The following TMEM39B variants were observed in gnomAD, a reference collection of about 807,000 sequenced individuals.
The protein encoded by TMEM39B is transmembrane protein 39B.
A neutral mutation model predicts 52.2 loss-of-function variants in TMEM39B; 23 were observed. The ratio of observed to expected loss-of-function variants is 0.44; its 90% confidence interval spans 0.32 to 0.62. TMEM39B has a LOEUF of 0.62. TMEM39B is among the 20% of genes least tolerant of loss of function. TMEM39B has a pLI of 0.06. For missense variants in TMEM39B, 547 were observed against 642.0 expected, an observed-to-expected ratio of 0.85 and a Z score of 1.60; for synonymous variants, 285 against 264.0, an observed-to-expected ratio of 1.08 and a Z score of -0.77.
Position 32,102,587 on chromosome 1 carries a change from A to G in TMEM39B, c.1393A>G (p.Lys465Glu), listed in dbSNP as rs1172275346. 2 of 1,613,884 alleles carry G rather than the reference A, an allele frequency of 1.2e-6. No individual in the cohort carries two copies. The highest frequency in any genetic ancestry group is 1.7e-6 in the Non-Finnish European group (2 of 1,179,974). Reference protein sequence around the residue: ...ILFSNYYAFFKLLRDRLVLGK... With the variant: ...ILFSNYYAFFELLRDRLVLGK... The stretch of plus-strand genomic sequence containing the variant: ...CTTCAGCAACTACTATGCCTTCTTC[A>G]AGCTGCTCCGGGACCGCTTGGTATT... The change falls in exon 9 of 9, where the codon AAG (lysine) becomes GAG (glutamate). Residue 465 changes from lysine to glutamate, a missense_variant. Lys to Glu is a moderately conservative substitution (Grantham distance 56). Coordinates refer to ENST00000336294, the MANE Select transcript of TMEM39B (RefSeq NM_018056.4).
chr1:32,101,683 G>A (rs968509519), intron 8 of TMEM39B, among the ~76,000 whole-genome samples: 6 of 152,208 alleles, frequency 3.9e-5, no homozygotes, highest in Non-Finnish European at 5.9e-5. Context: ...AAGTATTGCA[G>A]CCTGTTAGGT....
chr1:32,094,763 C>T (rs1299265632), intron 6 of TMEM39B, 21 bp from the exon 7 acceptor site: 2 of 1,613,382 alleles, frequency 1.2e-6, no homozygotes, highest in East Asian at 2.2e-5. Flanking sequence ...CCAGGCCTCA[C>T]CCACCTTCTG....
chr1:32,096,023 G>T (rs1238025327), intron 7 of TMEM39B, among the ~76,000 whole-genome samples: 1 of 152,172 alleles, frequency 6.6e-6, no homozygotes. Context: ...TGGCTTCCCA[G>T]ATGATGAGCT....
intron 7 of TMEM39B, among the ~76,000 whole-genome samples, chr1:32,098,809 C>T (rs1046275502): frequency 6.6e-6 from 1 of 152,132 alleles, no homozygotes; most frequent in African/African-American, 2.4e-5. Flanking sequence ...CTGTGCCAGG[C>T]CTTGCGGCAT....
At chr1:32,090,823 G>A (rs944805513) in intron 5 of TMEM39B, among the ~76,000 whole-genome samples, 2 of 152,014 alleles carry the variant, frequency 1.3e-5, no homozygotes, top group African/African-American at 4.8e-5. Context: ...GTATTTTTTA[G>A]TAGAGACGGG....
intron 7 of TMEM39B, among the ~76,000 whole-genome samples, chr1:32,098,417 G>A (rs1298426051): frequency 6.6e-6 from 1 of 151,972 alleles, no homozygotes; most frequent in Admixed American, 6.6e-5. Context: ...GGATTCCTGG[G>A]AGATCTCACA....
chr1:32,101,378 T>G (rs969447267), intron 8 of TMEM39B, among the ~76,000 whole-genome samples: 2 of 152,066 alleles, frequency 1.3e-5, no homozygotes, highest in Non-Finnish European at 2.9e-5. Flanking sequence ...TGCTCAAAAT[T>G]ATCTAAACTA....
chr1:32,078,070 A>G (rs1403215424), intron 5 of TMEM39B, among the ~76,000 whole-genome samples: 3 of 152,080 alleles, frequency 2.0e-5, no homozygotes, highest in South Asian at 2.1e-4. Context: ...AGCTGGGTCA[A>G]TCCTGGTCTC....
At position 32,094,910 on chromosome 1, in the gene TMEM39B, G is replaced by T; in HGVS notation, c.1054G>T (p.Ala352Ser). The T allele has an allele frequency of 6.2e-7, 1 of 1,613,888 alleles. No individual in the cohort carries two copies. Reference sequence around the variant, plus strand: ...CTGTGACCTGCTGCACAAGGCCGCCGCCCATCTGGGCTGTTGGCAGAAGGT... The same window carrying T: ...CTGTGACCTGCTGCACAAGGCCGCCTCCCATCTGGGCTGTTGGCAGAAGGT... ...SYCDLLHKAA[A>S]HLGCWQKVDP... The change falls in exon 7 of 9, where the codon GCC becomes TCC. Residue 352 changes from alanine (A) to serine (S), a missense_variant. Ala to Ser is a moderately conservative substitution (Grantham distance 99). Transcript: ENST00000336294.
intron 5 of TMEM39B, among the ~76,000 whole-genome samples, chr1:32,085,059 A>G (rs778488803): frequency 1.2e-4 from 19 of 152,288 alleles, no homozygotes; most frequent in Non-Finnish European, 2.2e-4. Context: ...TGATTACTTG[A>G]AATTTCAAAG....
At chr1:32,078,906 G>T (rs907670249) in intron 5 of TMEM39B, among the ~76,000 whole-genome samples, 12 of 152,076 alleles carry the variant, frequency 7.9e-5, no homozygotes, top group Admixed American at 2.6e-4. Context: ...CTCCCAAAGT[G>T]CTGGGATTAC....
At chr1:32,096,503 A>C (rs1313055464) in intron 7 of TMEM39B, among the ~76,000 whole-genome samples, 1 of 118,742 alleles carries the variant, frequency 8.4e-6, no homozygotes, top group Non-Finnish European at 1.6e-5. Flanking sequence ...TCTGTTGCCC[A>C]GGCTGGAGTG....
intron 5 of TMEM39B, among the ~76,000 whole-genome samples, chr1:32,082,238 A>G (rs1422120524): frequency 1.3e-5 from 2 of 151,930 alleles, no homozygotes; most frequent in African/African-American, 4.8e-5. Context: ...TTACTTTTAT[A>G]TCGTCAAGCT....
chr1:32,100,063 CAA>C (rs533634069), intron 7 of TMEM39B, among the ~76,000 whole-genome samples: 274 of 151,792 alleles, frequency 1.8e-3, no homozygotes, highest in African/African-American at 6.3e-3. Context: ...AAAAAGCCCA[CAA>C]AGAGTTTTAA....
At chr1:32,076,714 C>T in intron 3 of TMEM39B, 49 bp from the exon 4 acceptor site, 1 of 1,586,194 alleles carries the variant, frequency 6.3e-7, no homozygotes, top group East Asian at 2.2e-5. Context: ...AAAAAGCCTG[C>T]ATATGGGCAA....
intron 3 of TMEM39B, 74 bp from the exon 4 acceptor site, chr1:32,076,689 G>A (rs1038926421): frequency 6.4e-6 from 9 of 1,412,174 alleles, no homozygotes; most frequent in East Asian, 2.3e-5. Flanking sequence ...AATGGGCAGC[G>A]GGAGGTGGGT....
chr1:32,101,650 C>A (rs1195581800), intron 8 of TMEM39B, among the ~76,000 whole-genome samples: 1 of 152,122 alleles, frequency 6.6e-6, no homozygotes, highest in African/African-American at 2.4e-5. Context: ...ATCCAAGCCC[C>A]AGAGAGGAAA....
At chr1:32,089,268 A>G (rs1461817335) in intron 5 of TMEM39B, among the ~76,000 whole-genome samples, 2 of 151,198 alleles carry the variant, frequency 1.3e-5, no homozygotes, top group Non-Finnish European at 2.9e-5. Context: ...CCTCCCAAAT[A>G]GCTGCAACTA....
Position 32,102,585 on chromosome 1 carries a change from T to G in TMEM39B, c.1391T>G (p.Phe464Cys). 6.2e-7 allele frequency: 1 copy of G among 1,614,036 alleles called. No individual in the cohort carries two copies. Among genetic ancestry groups the G allele is most frequent in the Non-Finnish European group, 8.5e-7 (1 of 1,179,992 alleles). The change falls in exon 9 of 9, where the codon TTC becomes TGC. Residue 464 changes from phenylalanine to cysteine, a missense_variant. Physicochemically the swap from Phe to Cys is radical, Grantham distance 205. Transcript: ENST00000336294. ...LILFSNYYAF[F>C]KLLRDRLVLG... ...CTCTTCAGCAACTACTATGCCTTCT[T>G]CAAGCTGCTCCGGGACCGCTTGGTA...
Sources: gnomAD v4.1 joint callset for allele counts (sites outside exome capture counted in the v4.1 genomes callset) on GRCh38, gnomAD v4.1.1 for gene constraint, MANE v1.5 for transcripts, NCBI Gene and HGNC (gene_info 2026-07-23, HGNC 2026-07-21) for gene names.